The following ZFHX3 variants were observed in gnomAD, a reference collection of about 807,000 sequenced individuals.
ZFHX3 encodes the protein zinc finger homeobox 3, also known as zinc finger homeobox protein 3.
ZFHX3 carries 42 observed loss-of-function variants against 279.1 expected under a neutral mutation model. That is an observed-to-expected ratio of 0.15 (90% CI 0.12 to 0.19). ZFHX3 has a LOEUF of 0.19. ZFHX3 is among the 10% of genes least tolerant of loss of function. The probability of loss-of-function intolerance (pLI) is 1.00; values close to 1 mark genes in which losing one functional copy is unlikely to be tolerated. For missense variants in ZFHX3, 4,981 were observed against 4,754.0 expected (o/e 1.05, Z -1.40); for synonymous variants, 2,293 against 1,957.8 (o/e 1.17, Z -4.52).
intron 3 of ZFHX3, among the ~76,000 whole-genome samples, chr16:73,406,474 T>C (rs192440999): frequency 2.6e-5 from 4 of 152,364 alleles, no homozygotes; most frequent in East Asian, 1.9e-4. Flanking sequence ...TACTATTTGA[T>C]ACTTAGTAAG....
chr16:73,793,777 G>C (rs190731099), intron 1 of ZFHX3, among the ~76,000 whole-genome samples: 1 of 152,170 alleles, frequency 6.6e-6, no homozygotes, highest in Non-Finnish European at 1.5e-5. Context: ...ACAATTGACA[G>C]CCTGTTTCAA....
intron 2 of ZFHX3, among the ~76,000 whole-genome samples, chr16:73,486,047 G>A (rs982592947): frequency 2.6e-5 from 4 of 152,212 alleles, no homozygotes; most frequent in Non-Finnish European, 5.9e-5. Context: ...AACATATGTT[G>A]AGTGAATGTC....
At chr16:73,810,941 A>AT (rs1960409445) in intron 1 of ZFHX3, among the ~76,000 whole-genome samples, 1 of 152,152 alleles carries the variant, frequency 6.6e-6, no homozygotes, top group African/African-American at 2.4e-5. Flanking sequence ...CTATAATACT[A>AT]AATTCTTCCT....
At chr16:73,865,489 G>C (rs915379497) in intron 1 of ZFHX3, among the ~76,000 whole-genome samples, 1 of 152,160 alleles carries the variant, frequency 6.6e-6, no homozygotes, top group Non-Finnish European at 1.5e-5. Flanking sequence ...TCCTGGAACT[G>C]AGATCCCCTA....
chr16:72,798,742 C>A (rs762446881), intron 8 of ZFHX3, 28 bp from the exon 9 acceptor site: 4 of 1,514,612 alleles, frequency 2.6e-6, no homozygotes, highest in Admixed American at 2.3e-5. Context: ...AAAATCAAAC[C>A]CAAAGATAAA....
intron 5 of ZFHX3, among the ~76,000 whole-genome samples, chr16:73,180,679 T>C (rs1967770475): frequency 6.6e-6 from 1 of 152,188 alleles, no homozygotes; most frequent in African/African-American, 2.4e-5. Context: ...TTTTTTTTTT[T>C]TGAGACAGAA....
chr16:72,895,873 C>CTAGATAGATAGATAGA (rs146417471), intron 3 of ZFHX3, among the ~76,000 whole-genome samples: 1 of 151,776 alleles, frequency 6.6e-6, no homozygotes, highest in Non-Finnish European at 1.5e-5. Context: ...GTAGATTAGA[C>CTAGATAGATAGATAGA]TAGATAGATA....
intron 3 of ZFHX3, among the ~76,000 whole-genome samples, chr16:73,391,870 A>G (rs1215825166): frequency 6.6e-6 from 1 of 152,180 alleles, no homozygotes; most frequent in Non-Finnish European, 1.5e-5. Context: ...GACTTCAGGT[A>G]TATGTCAATG....
intron 1 of ZFHX3, among the ~76,000 whole-genome samples, chr16:73,871,870 G>C (rs370404450): frequency 6.6e-6 from 1 of 152,186 alleles, no homozygotes; most frequent in African/African-American, 2.4e-5. Flanking sequence ...GAACTATATA[G>C]ATGCTTATGG....
At chr16:73,864,516 C>G (rs887741931) in intron 1 of ZFHX3, among the ~76,000 whole-genome samples, 1 of 152,100 alleles carries the variant, frequency 6.6e-6, no homozygotes, top group Non-Finnish European at 1.5e-5. Context: ...GCCAGGAGCT[C>G]GAGACCAGCC....
intron 7 of ZFHX3, chr16:73,127,354 G>A (rs559734113): frequency 7.7e-7 from 1 of 1,305,194 alleles, no homozygotes; most frequent in African/African-American, 1.5e-5. Flanking sequence ...CCGATAAAAA[G>A]TCAATTCCAC....
chr16:73,392,824 T>G (rs979393875), intron 3 of ZFHX3, among the ~76,000 whole-genome samples: 4 of 109,764 alleles, frequency 3.6e-5, no homozygotes, highest in African/African-American at 7.2e-5. Context: ...TTTCCAGAAG[T>G]GTATCTTTGT....
intron 1 of ZFHX3, among the ~76,000 whole-genome samples, chr16:73,816,647 G>A (rs1344973898): frequency 6.6e-6 from 1 of 152,172 alleles, no homozygotes; most frequent in Admixed American, 6.5e-5. Context: ...GAGAGAAAAA[G>A]AGAGAGGGCT....
chr16:73,858,095 C>CA (rs111695031), intron 1 of ZFHX3, among the ~76,000 whole-genome samples: 4,430 of 132,208 alleles, frequency 0.034, 213 homozygotes, highest in African/African-American at 0.11. Context: ...GATTCTGTCT[C>CA]AAAAAAAAAA....
At chr16:73,489,173 T>C (rs1326608815) in intron 2 of ZFHX3, among the ~76,000 whole-genome samples, 2 of 152,214 alleles carry the variant, frequency 1.3e-5, no homozygotes, top group Admixed American at 6.5e-5. Context: ...AATGCCCTCT[T>C]GATCCCAGCA....
At chr16:73,408,397 T>C (rs2143452940) in intron 3 of ZFHX3, among the ~76,000 whole-genome samples, 1 of 152,166 alleles carries the variant, frequency 6.6e-6, no homozygotes, top group Non-Finnish European at 1.5e-5. Context: ...TAAAAAGGTA[T>C]TTGGATGCCA....
At chr16:73,035,326 A>T (rs959747824) in intron 1 of ZFHX3, among the ~76,000 whole-genome samples, 1 of 152,182 alleles carries the variant, frequency 6.6e-6, no homozygotes, top group African/African-American at 2.4e-5. Flanking sequence ...CGTGGCTTAC[A>T]CTGTATTTCT....
chr16:73,486,334 A>G (rs1202059217), intron 2 of ZFHX3, among the ~76,000 whole-genome samples: 1 of 152,250 alleles, frequency 6.6e-6, no homozygotes, highest in Admixed American at 6.5e-5. Context: ...AAAATTCTGT[A>G]ATGGGGCTCT....
At chr16:73,050,377 T>C (rs35445224), upstream of ZFHX3, among the ~76,000 whole-genome samples, 35,017 of 151,998 alleles carry the variant, frequency 0.23, 4,597 homozygotes, top group African/African-American at 0.36. Flanking sequence ...CTGAGTTCCT[T>C]TTCTTTATCT....
Sources: gnomAD v4.1 joint callset for allele counts (sites outside exome capture counted in the v4.1 genomes callset) on GRCh38, gnomAD v4.1.1 for gene constraint, MANE v1.5 for transcripts, NCBI Gene and HGNC (gene_info 2026-07-23, HGNC 2026-07-21) for gene names.